Variants in PTPRQ observed in about 807,000 individuals in gnomAD.
The protein encoded by PTPRQ is protein tyrosine phosphatase receptor type Q, also known as phosphatidylinositol phosphatase PTPRQ.
A neutral mutation model predicts 246.0 loss-of-function variants in PTPRQ; 199 were observed. The observed-to-expected ratio is 0.81, with a 90% CI of 0.72 to 0.91. The LOEUF is 0.91. Ranked by LOEUF, PTPRQ falls within the 40% of genes least tolerant of loss-of-function variation. The pLI is 0.00. For missense variants in PTPRQ, 2,624 were observed against 2,528.4 expected, an observed-to-expected ratio of 1.04 and a Z score of -0.81; for synonymous variants, 869 against 853.2, an observed-to-expected ratio of 1.02 and a Z score of -0.32.
chr12:80,546,739 T>A lies in PTPRQ; in HGVS notation c.4015+42T>A. On this transcript the variant is annotated intron_variant, in intron 24 of 44. Transcript: ENST00000644991. ...GAGCCTAAAATGTTTCTTTTTATATTTAACACCTTTCTTTTCCTTTTCTTA... is the reference window on the plus strand; with the variant it reads ...GAGCCTAAAATGTTTCTTTTTATATATAACACCTTTCTTTTCCTTTTCTTA... 1.3e-6 allele frequency: 2 copies of A among 1,533,306 alleles called. 1 individual carries two copies. The highest frequency in any genetic ancestry group is 1.8e-6 in the Non-Finnish European group (2 of 1,138,712). The allele number at this position is 1,533,306 out of a possible 1,614,324, so 95.0% of individuals were successfully genotyped here.
At chr12:80,625,857 T>A (rs868656184) in intron 33 of PTPRQ, among the ~76,000 whole-genome samples, 1 of 152,170 alleles carries the variant, frequency 6.6e-6, no homozygotes, top group Non-Finnish European at 1.5e-5. Context: ...CCTCTTAAAC[T>A]TTTTGAAAAA....
chr12:80,666,749 C>T (rs960471423), intron 39 of PTPRQ, among the ~76,000 whole-genome samples: 2 of 151,990 alleles, frequency 1.3e-5, no homozygotes, highest in Non-Finnish European at 2.9e-5. Context: ...TCTTCCCCAT[C>T]TTCCTTTGGA....
At chr12:80,487,843 A>G (rs1438477387) in intron 9 of PTPRQ, among the ~76,000 whole-genome samples, 2 of 152,074 alleles carry the variant, frequency 1.3e-5, no homozygotes, top group Admixed American at 1.3e-4. Flanking sequence ...GCAGCTTAAA[A>G]CAATTATAAT....
intron 27 of PTPRQ, among the ~76,000 whole-genome samples, chr12:80,609,027 C>T (rs1389974898): frequency 6.6e-6 from 1 of 150,518 alleles, no homozygotes; most frequent in African/African-American, 2.4e-5. Flanking sequence ...TGTTTTTCTT[C>T]CATTTTCGAG....
chr12:80,671,225 G>T (rs1320235312), intron 42 of PTPRQ, among the ~76,000 whole-genome samples: 1 of 151,912 alleles, frequency 6.6e-6, no homozygotes, highest in Non-Finnish European at 1.5e-5. Context: ...TATGAACAAT[G>T]CTTATATTTA....
At chr12:80,541,005 G>C (rs1001380665) in intron 20 of PTPRQ, among the ~76,000 whole-genome samples, 8 of 152,024 alleles carry the variant, frequency 5.3e-5, no homozygotes, top group Admixed American at 5.3e-4. Context: ...TGTGTAAGTA[G>C]AGTAACTTTG....
Position 80,496,253 on chromosome 12 carries a change from C to T in PTPRQ, c.1994C>T (p.Pro665Leu), listed in dbSNP as rs775248167. The T allele has an allele frequency of 3.4e-5, 53 of 1,549,504 alleles. 1 individual carries two copies. The highest frequency in any genetic ancestry group is 2.8e-4 in the South Asian group (23 of 83,512). Residue 665 changes from proline to leucine, a missense_variant, in exon 14 of 45, where the codon CCG becomes CTG. Transcript: ENST00000644991. ...DIFVRTSEDE[P>L]ESSPQDVEVI... is the part of the protein sequence containing the mutation. ...AAATGTTCTTTTCTTCCCCTAGAAC[C>T]GGAATCATCACCTCAAGATGTCGAA...
chr12:80,484,670 G>C, intron 9 of PTPRQ, 65 bp downstream of exon 9: 2 of 1,514,354 alleles, frequency 1.3e-6, no homozygotes, highest in South Asian at 2.6e-5. Context: ...TGATAGCTTG[G>C]AAGATTTGCT....
chr12:80,493,600 C>A, intron 10 of PTPRQ, 145 bp downstream of exon 10: 1 of 1,250,252 alleles, frequency 8.0e-7, no homozygotes, highest in Non-Finnish European at 1.1e-6. Context: ...CGGAAAACCT[C>A]ATGCAACAAA....
chr12:80,558,308 C>G (rs549403328), intron 25 of PTPRQ, among the ~76,000 whole-genome samples: 24 of 151,910 alleles, frequency 1.6e-4, no homozygotes, highest in African/African-American at 5.6e-4. Context: ...GCTGGGACTA[C>G]AGGCGCATGC....
At chr12:80,591,312 A>C (rs2121030778) in intron 26 of PTPRQ, among the ~76,000 whole-genome samples, 1 of 152,044 alleles carries the variant, frequency 6.6e-6, no homozygotes, top group Non-Finnish European at 1.5e-5. Flanking sequence ...CAATTTTGAT[A>C]GAGATGAGGT....
chr12:80,621,587 C>A (rs1414050756), intron 32 of PTPRQ, among the ~76,000 whole-genome samples: 2 of 151,982 alleles, frequency 1.3e-5, no homozygotes, highest in African/African-American at 2.4e-5. Flanking sequence ...TGTGCACACA[C>A]AGAAATAACA....
chr12:80,526,884 A>G (rs1291222091), intron 17 of PTPRQ, among the ~76,000 whole-genome samples: 3 of 152,060 alleles, frequency 2.0e-5, no homozygotes, highest in African/African-American at 7.2e-5. Flanking sequence ...GAAAAAATGA[A>G]AGAAAATATC....
rs1202419995 is a variant in PTPRQ at position 80,616,224 on chromosome 12, G to A, written c.5188G>A (p.Ala1730Thr). ...ISVYAVNSAGAGPKVPMRITM... is the reference protein window; with the variant it reads ...ISVYAVNSAGTGPKVPMRITM... Reference sequence around the variant, plus strand: ...GGTTTACGCAGTCAATAGTGCTGGTGCAGGTCCAAAGGTTCCGATGAGAAT... The same window carrying A: ...GGTTTACGCAGTCAATAGTGCTGGTACAGGTCCAAAGGTTCCGATGAGAAT... The change falls in exon 30 of 45, where the codon GCA becomes ACA. Residue 1730 changes from alanine (A) to threonine (T), a missense_variant. Coordinates refer to ENST00000644991, the MANE Select transcript of PTPRQ (RefSeq NM_001145026.2). 6.7e-7 allele frequency: 1 copy of A among 1,490,936 alleles called. No individual in the cohort carries two copies. The highest frequency in any genetic ancestry group is 8.9e-7 in the Non-Finnish European group (1 of 1,118,026). 92.4% of individuals were successfully genotyped at this position (1,490,936 alleles called of 1,614,324 possible). A position where few individuals can be genotyped will look rare whatever the true frequency, so the allele number is the denominator to read the frequency against.
intron 32 of PTPRQ, 27 bp from the exon 33 acceptor site, chr12:80,622,034 G>A: frequency 7.7e-7 from 1 of 1,290,370 alleles, no homozygotes; most frequent in Non-Finnish European, 1.0e-6. Context: ...TATGCAAAGT[G>A]TTGATTTTTC....
Position 80,542,093 on chromosome 12 carries a change from A to G in PTPRQ, c.3450A>G (p.Pro1150=), listed in dbSNP as rs924681365. The G allele has an allele frequency of 2.6e-6, 4 of 1,544,472 alleles. No homozygotes were observed. The African/African-American group carries it at 4.1e-5, about 16-fold the overall frequency. ...QLYIKTEEDV[P]ETSPIINTFK... Reference sequence around the variant, plus strand: ...TATTCTCTTTTTCTTTTATAGTCCCAGAAACTTCACCAATAATCAACACTT... The same window carrying G: ...TATTCTCTTTTTCTTTTATAGTCCCGGAAACTTCACCAATAATCAACACTT... The change falls in exon 22 of 45, where the codon CCA becomes CCG. Residue 1150 remains proline, a synonymous_variant. Coordinates refer to ENST00000644991, the MANE Select transcript of PTPRQ (RefSeq NM_001145026.2).
intron 17 of PTPRQ, among the ~76,000 whole-genome samples, chr12:80,518,028 C>T (rs1186575966): frequency 1.3e-5 from 2 of 152,050 alleles, no homozygotes; most frequent in African/African-American, 2.4e-5. Context: ...TTTACATTAG[C>T]TCTATTTTTA....
At chr12:80,455,737 C>T (rs1892959665) in intron 3 of PTPRQ, among the ~76,000 whole-genome samples, 2 of 151,370 alleles carry the variant, frequency 1.3e-5, no homozygotes, top group South Asian at 4.2e-4. Context: ...ACTAGAGGCG[C>T]CCGCCACCAT....
chr12:80,504,215 A>G (rs933396326), intron 14 of PTPRQ, among the ~76,000 whole-genome samples: 1 of 151,554 alleles, frequency 6.6e-6, no homozygotes, highest in Non-Finnish European at 1.5e-5. Context: ...TTTGATCTAC[A>G]TTCTTGATAA....
Sources: gnomAD v4.1 joint callset for allele counts (sites outside exome capture counted in the v4.1 genomes callset) on GRCh38, gnomAD v4.1.1 for gene constraint, MANE v1.5 for transcripts, NCBI Gene and HGNC (gene_info 2026-07-23, HGNC 2026-07-21) for gene names.